Variants in CFAP58 observed in about 807,000 individuals in gnomAD.
The protein encoded by CFAP58 is cilia- and flagella-associated protein 58.
Under a neutral mutation model 119.5 loss-of-function variants are expected in CFAP58, and 88 were observed. The ratio of observed to expected loss-of-function variants is 0.74; its 90% CI spans 0.62 to 0.88. The LOEUF (loss-of-function observed/expected upper bound fraction) is 0.88. Ranked by LOEUF, CFAP58 falls within the 40% of genes least tolerant of loss-of-function variation. CFAP58 has a pLI of 0.00. For missense variants in CFAP58, 990 were observed against 1,021.2 expected (o/e 0.97, Z 0.42); for synonymous variants, 365 against 366.3 (o/e 1.00, Z 0.04).
rs539145396 is a variant in CFAP58 at position 104,428,002 on chromosome 10, C to T, written c.2257-19696C>T. Among the ~76,000 whole-genome samples, 3 of 152,292 alleles carry T rather than the reference C, an allele frequency of 2.0e-5. No individual in the cohort carries two copies. In the South Asian group the frequency reaches 6.2e-4, roughly 32 times the overall value. Reference sequence around the variant, plus strand: ...GAGGGGATGACATTTCCTATGCAAACACACGTAAGCACATGGAGAGGCTCT... The same window carrying T: ...GAGGGGATGACATTTCCTATGCAAATACACGTAAGCACATGGAGAGGCTCT... On this transcript the variant is annotated intron_variant, in intron 15 of 17. Transcript: ENST00000369704.
At chr10:104,371,924 G>A (rs2014828802) in intron 7 of CFAP58, among the ~76,000 whole-genome samples, 1 of 152,136 alleles carries the variant, frequency 6.6e-6, no homozygotes, top group Admixed American at 6.5e-5. Context: ...CCAGGTGGCT[G>A]TAAGTTGTCA....
chr10:104,451,529 T>C (rs2013195318), intron 17 of CFAP58, among the ~76,000 whole-genome samples: 1 of 152,250 alleles, frequency 6.6e-6, no homozygotes, highest in South Asian at 2.1e-4. Context: ...TGCAATTTAA[T>C]AAGCTTCTCA....
upstream of CFAP58, among the ~76,000 whole-genome samples, chr10:104,351,256 A>G (rs1211686780): frequency 1.3e-5 from 2 of 152,148 alleles, no homozygotes; most frequent in African/African-American, 4.8e-5. Context: ...CTTTTTGTCC[A>G]CCAGATATAC....
At chr10:104,447,619 T>C in intron 15 of CFAP58, 79 bp from the exon 16 acceptor site, 12 of 1,560,548 alleles carry the variant, frequency 7.7e-6, no homozygotes, top group Non-Finnish European at 1.0e-5. Context: ...TCCCAAATTG[T>C]GCTGGCCATG....
chr10:104,422,278 T>C (rs771508532), intron 15 of CFAP58, among the ~76,000 whole-genome samples: 2 of 152,244 alleles, frequency 1.3e-5, no homozygotes, highest in Admixed American at 6.5e-5. Flanking sequence ...ATTTCATATG[T>C]GAACTCCCTT....
intron 15 of CFAP58, among the ~76,000 whole-genome samples, chr10:104,425,798 G>A (rs2012734643): frequency 6.6e-6 from 1 of 152,174 alleles, no homozygotes; most frequent in Non-Finnish European, 1.5e-5. Context: ...CTTGGTAAAA[G>A]TGACAAGGAA....
intron 15 of CFAP58, among the ~76,000 whole-genome samples, chr10:104,418,814 A>G (rs2012596129): frequency 6.6e-6 from 1 of 152,148 alleles, no homozygotes; most frequent in Admixed American, 6.5e-5. Flanking sequence ...TTAGTGGATA[A>G]CTCAGTGGTC....
At chr10:104,406,839 A>G in intron 15 of CFAP58, 46 bp downstream of exon 15, 1 of 1,403,240 alleles carries the variant, frequency 7.1e-7, no homozygotes, top group East Asian at 2.3e-5. Context: ...CCTTAGCACC[A>G]CCATCTCCAG....
intron 15 of CFAP58, among the ~76,000 whole-genome samples, chr10:104,421,466 A>G (rs2012657199): frequency 6.6e-6 from 1 of 152,210 alleles, no homozygotes; most frequent in Non-Finnish European, 1.5e-5. Context: ...CCTGGGCAAG[A>G]CCCACTATGT....
intron 14 of CFAP58, among the ~76,000 whole-genome samples, chr10:104,405,970 G>T (rs1380444914): frequency 6.6e-6 from 1 of 152,148 alleles, no homozygotes; most frequent in Non-Finnish European, 1.5e-5. Flanking sequence ...GGTGGCATGT[G>T]CCTGTGGTCC....
chr10:104,356,926 A>G (rs759442812), intron 1 of CFAP58, among the ~76,000 whole-genome samples: 1 of 152,234 alleles, frequency 6.6e-6, no homozygotes, highest in African/African-American at 2.4e-5. Flanking sequence ...CAATGAATGA[A>G]TAAATATATT....
At chr10:104,445,153 C>T (rs2013094219) in intron 15 of CFAP58, among the ~76,000 whole-genome samples, 1 of 151,282 alleles carries the variant, frequency 6.6e-6, no homozygotes, top group Non-Finnish European at 1.5e-5. Flanking sequence ...CGAGACCCCG[C>T]CTCTACAGAA....
chr10:104,436,817 C>T (rs546206955), intron 15 of CFAP58, among the ~76,000 whole-genome samples: 52 of 152,302 alleles, frequency 3.4e-4, no homozygotes, highest in African/African-American at 1.2e-3. Flanking sequence ...TATATAGTAC[C>T]TCCTTTCTAG....
At chr10:104,382,515 C>A (rs1182033838) in intron 9 of CFAP58, among the ~76,000 whole-genome samples, 1 of 152,210 alleles carries the variant, frequency 6.6e-6, no homozygotes, top group African/African-American at 2.4e-5. Context: ...TGGGGCAGGG[C>A]TTCCTAACAC....
At chr10:104,358,149 T>TTATATATACACA (rs2014619051) in intron 1 of CFAP58, among the ~76,000 whole-genome samples, 192 bp from the exon 2 acceptor site, 1 of 149,236 alleles carries the variant, frequency 6.7e-6, no homozygotes, top group African/African-American at 2.6e-5. Context: ...ATATATGTAC[T>TTATATATACACA]TATATATGTA....
chr10:104,444,961 G>A (rs769112364), intron 15 of CFAP58, among the ~76,000 whole-genome samples: 2 of 152,060 alleles, frequency 1.3e-5, no homozygotes, highest in Non-Finnish European at 2.9e-5. Flanking sequence ...CATACTTGTG[G>A]GCCCTCACAG....
At chr10:104,353,720 T>G (rs79858905), upstream of CFAP58, 2 of 586,096 alleles carry the variant, frequency 3.4e-6, no homozygotes, top group African/African-American at 3.7e-5. Flanking sequence ...GAATTCCCGC[T>G]AGCGCCCCTA....
chr10:104,353,621 C>T (rs111734719), upstream of CFAP58: 415 of 467,528 alleles, frequency 8.9e-4, 2 homozygotes, highest in African/African-American at 6.2e-3. Context: ...CGCCCCCTCA[C>T]TTCCTTGGCT....
At chr10:104,413,962 G>A (rs1048346678) in intron 15 of CFAP58, among the ~76,000 whole-genome samples, 2 of 152,134 alleles carry the variant, frequency 1.3e-5, no homozygotes, top group African/African-American at 2.4e-5. Context: ...AAGTTCAAAT[G>A]CACTTAACCT....
Sources: gnomAD v4.1 joint callset for allele counts (sites outside exome capture counted in the v4.1 genomes callset) on GRCh38, gnomAD v4.1.1 for gene constraint, MANE v1.5 for transcripts, NCBI Gene and HGNC (gene_info 2026-07-23, HGNC 2026-07-21) for gene names.